The following PPFIA1 variants were observed in gnomAD, a reference collection of about 807,000 sequenced individuals.
The protein encoded by PPFIA1 is liprin-alpha-1.
PPFIA1 carries 25 observed loss-of-function variants against 149.9 expected under a neutral mutation model. That is an observed-to-expected ratio of 0.17 (90% confidence interval 0.12 to 0.23). The LOEUF is 0.23. Ranked by LOEUF, PPFIA1 falls within the 10% of genes least tolerant of loss-of-function variation. The pLI is 1.00. For synonymous variants in PPFIA1, 549 were observed against 552.8 expected (o/e 0.99, Z 0.10); for missense variants, 1,362 against 1,506.5 (o/e 0.90, Z 1.59).
intron 13 of PPFIA1, 62 bp downstream of exon 13, chr11:70,338,515 A>T: frequency 1.4e-6 from 2 of 1,386,664 alleles, no homozygotes; most frequent in South Asian, 1.2e-5. Flanking sequence ...GTTCTTGGCT[A>T]TGTGGGCAGC....
Position 70,333,524 on chromosome 11 carries a change from T to G in PPFIA1, c.1267T>G (p.Leu423Val), listed in dbSNP as rs373655434. The G allele has an allele frequency of 6.8e-6, 11 of 1,612,644 alleles. No homozygotes were observed. The highest frequency in any genetic ancestry group is 9.3e-6 in the Non-Finnish European group (11 of 1,179,532). Reference protein sequence around the residue: ...EERLRQMEAQLEEKNQELQRA... With the variant: ...EERLRQMEAQVEEKNQELQRA... ...AAGGTTACGACAGATGGAAGCACAG[T>G]TGGAGGAGAAGAATCAAGAACTGCA... Residue 423 changes from leucine to valine, a missense_variant, in exon 10 of 28, where the codon TTG becomes GTG. Leu to Val is a conservative substitution (Grantham distance 32). Around this residue, in one of 7 missense-constraint regions of PPFIA1, gnomAD observed 733 missense variants for 744.1 expected, o/e 0.99. Transcript: ENST00000253925.
rs146033986 is a variant in PPFIA1, at chr11:70,349,275, A to C, written c.2163+855A>C. 1.8e-3 allele frequency among the ~76,000 whole-genome samples: 271 copies of C among 152,206 alleles called. 2 individuals carry two copies. Among genetic ancestry groups the C allele is most frequent in the African/African-American group, 6.3e-3 (261 of 41,542 alleles). ...CAGCTTAGGGTCACCTCTCACCTGG[A>C]AATGCAATGACCTTCTGGTGTTTGG... On this transcript the variant is annotated intron_variant, in intron 16 of 27. Transcript: ENST00000253925.
chr11:70,359,631 GT>G (rs1317253869), intron 19 of PPFIA1, among the ~76,000 whole-genome samples: 2 of 152,164 alleles, frequency 1.3e-5, no homozygotes, highest in African/African-American at 4.8e-5. Flanking sequence ...TTGAGAGAAA[GT>G]ACTTCCTCCC....
chr11:70,354,396 G>A lies in PPFIA1; in HGVS notation c.2259G>A (p.Arg753=). Residue 753 remains arginine (R), a synonymous_variant, in exon 17 of 28, where the codon CGG becomes CGA. Coordinates refer to ENST00000253925, the MANE Select transcript of PPFIA1 (RefSeq NM_003626.5). ...PSSPRALRLD[R]LHKGALHTVS... ...CCCCGAGAGCCCTTCGGTTAGACCG[G>A]CTGCACAAAGGGGCGCTGCACACCG... 1 of 1,613,994 alleles carries A rather than the reference G, an allele frequency of 6.2e-7. No individual in the cohort carries two copies. Among genetic ancestry groups the A allele is most frequent in the Non-Finnish European group, 8.5e-7 (1 of 1,180,000 alleles).
rs755632385 is a variant in PPFIA1, at chr11:70,324,924, G to T, written c.444G>T (p.Ala148=). The T allele has an allele frequency of 1.9e-6, 3 of 1,613,914 alleles. No homozygotes were observed. The highest frequency in any genetic ancestry group is 2.5e-6 in the Non-Finnish European group (3 of 1,179,866). ...GGATGACCGTGGTGAAGAGACAAGC[G>T]CAGTCTCCAGCAGGCGTGTCCAGCG... ...SLRMTVVKRQ[A]QSPAGVSSEV... Residue 148 remains alanine (A), a synonymous_variant, in exon 4 of 28, where the codon GCG becomes GCT. Transcript: ENST00000253925.
intron 2 of PPFIA1, among the ~76,000 whole-genome samples, chr11:70,310,748 A>T (rs2053212242): frequency 6.6e-6 from 1 of 151,648 alleles, no homozygotes; most frequent in African/African-American, 2.4e-5. Flanking sequence ...TGAAAACCCC[A>T]CTCTGTTTTT....
intron 2 of PPFIA1, among the ~76,000 whole-genome samples, chr11:70,321,588 A>G (rs1440532748): frequency 6.6e-6 from 1 of 152,256 alleles, no homozygotes; most frequent in Non-Finnish European, 1.5e-5. Context: ...ATTGCCCAAA[A>G]GGAAACAAGA....
intron 2 of PPFIA1, among the ~76,000 whole-genome samples, chr11:70,302,521 C>T (rs911061700): frequency 3.9e-5 from 6 of 152,158 alleles, no homozygotes; most frequent in African/African-American, 1.4e-4. Context: ...GAGACGCTTC[C>T]TTGGTTGACA....
chr11:70,280,569 C>T (rs903019104), intron 2 of PPFIA1, among the ~76,000 whole-genome samples: 3 of 151,952 alleles, frequency 2.0e-5, no homozygotes, highest in Admixed American at 6.6e-5. Context: ...AACTCCGTCT[C>T]GGGGAAAAAG....
chr11:70,277,100 G>T (rs866717132), intron 2 of PPFIA1, among the ~76,000 whole-genome samples: 31 of 109,198 alleles, frequency 2.8e-4, no homozygotes, highest in Middle Eastern at 5.2e-3. Context: ...TGTCTCCCAG[G>T]GTCAAGTCCT....
In PPFIA1 at chr11:70,374,810, C is replaced by G. The variant is rs532554975; in HGVS notation, c.3140-108C>G. ...TGTCTCCCAGCACTTTTCTCAGGAG[C>G]CGAAGGATTAGGAACCATGGTAGGA... On this transcript the variant is annotated intron_variant, in intron 23 of 27. Transcript: ENST00000253925. 6.2e-5 allele frequency: 63 copies of G among 1,020,242 alleles called. No homozygotes were observed. The African/African-American group carries it at 1.0e-3, about 16-fold the overall frequency. 63.2% of individuals were successfully genotyped at this position (1,020,242 alleles called of 1,614,324 possible).
chr11:70,289,032 A>T (rs2051345381), intron 2 of PPFIA1, among the ~76,000 whole-genome samples: 1 of 142,926 alleles, frequency 7.0e-6, no homozygotes, highest in South Asian at 2.3e-4. Context: ...CAATGGCGCC[A>T]TCTCAGCTCA....
intron 3 of PPFIA1, 57 bp from the exon 4 acceptor site, chr11:70,324,790 C>G: frequency 7.0e-7 from 1 of 1,427,186 alleles, no homozygotes; most frequent in Non-Finnish European, 9.5e-7. Flanking sequence ...GCCCCAGATT[C>G]AATCATGAAA....
intron 2 of PPFIA1, among the ~76,000 whole-genome samples, chr11:70,321,644 C>T (rs1456321236): frequency 6.6e-6 from 1 of 152,100 alleles, no homozygotes; most frequent in Non-Finnish European, 1.5e-5. Context: ...GGAAGAAGAA[C>T]TTGAAATCTA....
At chr11:70,355,285 C>T (rs2056298202) in intron 17 of PPFIA1, among the ~76,000 whole-genome samples, 1 of 152,158 alleles carries the variant, frequency 6.6e-6, no homozygotes, top group African/African-American at 2.4e-5. Flanking sequence ...TTTGCAGTAA[C>T]CCCTCAGGCA....
At chr11:70,355,563 AG>A in intron 17 of PPFIA1, 75 bp from the exon 18 acceptor site, 1 of 1,347,104 alleles carries the variant, frequency 7.4e-7, no homozygotes, top group Non-Finnish European at 1.0e-6. Flanking sequence ...AAGTGCTTGT[AG>A]GGAAGTTTGC....
chr11:70,335,909 T>C (rs2054945389), intron 11 of PPFIA1, among the ~76,000 whole-genome samples: 1 of 152,216 alleles, frequency 6.6e-6, no homozygotes, highest in Non-Finnish European at 1.5e-5. Flanking sequence ...TGGGAAATTG[T>C]TTATCATTCT....
intron 23 of PPFIA1, 58 bp from the exon 24 acceptor site, chr11:70,374,860 C>T (rs1257912382): frequency 4.8e-6 from 7 of 1,467,258 alleles, no homozygotes; most frequent in Admixed American, 1.8e-5. Context: ...TTACAGGGTA[C>T]ATGTGATAAA....
chr11:70,274,363 T>C (rs2050263063), intron 2 of PPFIA1, among the ~76,000 whole-genome samples: 1 of 152,176 alleles, frequency 6.6e-6, no homozygotes, highest in Non-Finnish European at 1.5e-5. Context: ...CACACTTGCA[T>C]ACCACCACCC....
Sources: allele counts gnomAD v4.1 joint callset (sites outside exome capture counted in the v4.1 genomes callset), GRCh38; gene constraint gnomAD v4.1.1; regional missense constraint gnomAD v4.1.1; transcripts MANE v1.5; gene names NCBI Gene and HGNC (gene_info 2026-07-23, HGNC 2026-07-21).